Variants in SMARCA2 observed in about 807,000 individuals in gnomAD.
The protein encoded by SMARCA2 is SWI/SNF-related matrix-associated actin-dependent regulator of chromatin subfamily A member 2.
Under a neutral mutation model 199.8 loss-of-function variants are expected in SMARCA2, and 61 were observed. The observed-to-expected ratio is 0.31, with a 90% confidence interval of 0.25 to 0.38. The LOEUF is 0.38. Ranked by LOEUF, SMARCA2 falls within the 10% of genes least tolerant of loss-of-function variation. SMARCA2 has a pLI of 1.00. For synonymous variants in SMARCA2, 935 were observed against 732.0 expected (o/e 1.28, Z -4.48); for missense variants, 1,344 against 2,012.2 (o/e 0.67, Z 6.35).
rs1372424088 is a variant in SMARCA2 at position 2,123,610 on chromosome 9, A to G, written c.3763-109A>G. 2 of 925,018 alleles carry G rather than the reference A, an allele frequency of 2.2e-6. No individual in the cohort carries two copies. Among genetic ancestry groups the G allele is most frequent in the Non-Finnish European group, 1.7e-6 (1 of 578,008 alleles). The allele number at this position is 925,018 out of a possible 1,614,324, so 57.3% of individuals were successfully genotyped here. ...AGCCAACCAGGATGAGAGAGGTTGA[A>G]AGGGACCCTGCAGCCATAGGAAGTG... On this transcript the variant is annotated intron_variant, in intron 26 of 33. Transcript: ENST00000349721. This position sits in a 1 kb window ranked among gnomAD's most constrained non-coding sequence, Gnocchi z 4.1.
At chr9:2,152,722 C>T (rs994787369) in intron 27 of SMARCA2, among the ~76,000 whole-genome samples, 1 of 151,876 alleles carries the variant, frequency 6.6e-6, no homozygotes, top group Non-Finnish European at 1.5e-5. Flanking sequence ...CGTGGTGGTG[C>T]ACACCTTTAG....
rs184465681 is a variant in SMARCA2 at position 2,015,379 on chromosome 9, C to T, written c.-62C>T. 119 of 152,528 alleles carry T rather than the reference C, an allele frequency of 7.8e-4. No homozygotes were observed. The highest frequency in any genetic ancestry group is 2.8e-3 in the African/African-American group (118 of 41,606). The allele number at this position is 152,528 out of a possible 1,614,324, so 9.4% of individuals were successfully genotyped here. A position where few individuals can be genotyped will look rare whatever the true frequency, so the allele number is the denominator to read the frequency against. ...GGGTGACTCAGAGAGGGAAGAGATT[C>T]AGCCAGCACACTCCTCGCGAGCAAG... On this transcript the variant is annotated 5_prime_UTR_variant, in exon 1 of 34. Transcript: ENST00000349721.
chr9:2,137,060 C>A (rs1326677040), intron 27 of SMARCA2, among the ~76,000 whole-genome samples: 1 of 152,156 alleles, frequency 6.6e-6, no homozygotes, highest in Non-Finnish European at 1.5e-5. Context: ...TTAACACCGC[C>A]AGTGCTCGTG....
At chr9:2,153,084 A>G (rs142585997) in intron 27 of SMARCA2, among the ~76,000 whole-genome samples, 2,000 of 152,320 alleles carry the variant, frequency 0.013, 18 homozygotes, top group Middle Eastern at 0.02. Context: ...ACAAAGTCAC[A>G]GTAAAGGAAC....
intron 27 of SMARCA2, among the ~76,000 whole-genome samples, chr9:2,129,470 A>T (rs941962639): frequency 1.3e-4 from 20 of 152,114 alleles, no homozygotes; most frequent in African/African-American, 4.8e-4. Flanking sequence ...GTCTGGGAGG[A>T]AACCTGGGCT....
At chr9:2,139,515 G>A (rs2130680423) in intron 27 of SMARCA2, among the ~76,000 whole-genome samples, 1 of 152,312 alleles carries the variant, frequency 6.6e-6, no homozygotes, top group South Asian at 2.1e-4. Context: ...TCACTAAAAT[G>A]AACATTTGTT....
At chr9:2,191,146 G>T in intron 32 of SMARCA2, 120 bp from the exon 33 acceptor site, 1 of 960,830 alleles carries the variant, frequency 1.0e-6, no homozygotes, top group South Asian at 1.5e-5. Flanking sequence ...CATAAACCGG[G>T]AATGTTCTGG....
rs2130250414 is a variant in SMARCA2, at chr9:2,039,858, C to G, written c.748C>G (p.Gln250Glu). 1 of 1,613,746 alleles carries G rather than the reference C, an allele frequency of 6.2e-7. No homozygotes were observed. The highest frequency in any genetic ancestry group is 1.1e-5 in the South Asian group (1 of 91,002). Reference sequence around the variant, plus strand: ...GCAGCCGCCGCAACCACAGACGCAGCAACAACAGCAGCCGGCCCTTGTTAA... The same window carrying G: ...GCAGCCGCCGCAACCACAGACGCAGGAACAACAGCAGCCGGCCCTTGTTAA... Reference protein sequence around the residue: ...QQQPPQPQTQQQQQPALVNYN... With the variant: ...QQQPPQPQTQEQQQPALVNYN... Residue 250 changes from glutamine to glutamate, a missense_variant, in exon 4 of 34, where the codon CAA becomes GAA. Gln to Glu is a conservative substitution (Grantham distance 29). Coordinates refer to ENST00000349721, the MANE Select transcript of SMARCA2 (RefSeq NM_003070.5). This position sits in a 1 kb window ranked among gnomAD's most constrained non-coding sequence, Gnocchi z 4.8.
At chr9:2,131,649 T>C (rs773199950) in intron 27 of SMARCA2, among the ~76,000 whole-genome samples, 3 of 152,160 alleles carry the variant, frequency 2.0e-5, no homozygotes, top group Non-Finnish European at 4.4e-5. Context: ...TAAAATAATT[T>C]TGGGGTTTTC....
rs2130599056 is a variant in SMARCA2 at position 2,115,741 on chromosome 9, A to G, written c.3457-81A>G. ...AAGGTGAAATACAGAACCCTTCCAT[A>G]TTTCCCTCTGGGGTGGGGTCCGGTT... On this transcript the variant is annotated intron_variant, in intron 24 of 33. Transcript: ENST00000349721. The surrounding 1 kb of genome is among the most constrained non-coding windows in gnomAD (Gnocchi z 6.0). The G allele has an allele frequency of 1.8e-6, 2 of 1,088,670 alleles. No individual in the cohort carries two copies. Among genetic ancestry groups the G allele is most frequent in the Non-Finnish European group, 2.7e-6 (2 of 730,818 alleles). The allele number at this position is 1,088,670 out of a possible 1,614,324, so 67.4% of individuals were successfully genotyped here. A position where few individuals can be genotyped will look rare whatever the true frequency, so the allele number is the denominator to read the frequency against.
At position 2,161,924 on chromosome 9, in the gene SMARCA2, C is replaced by G; in HGVS notation, c.4199+21C>G. 1 of 1,592,632 alleles carries G rather than the reference C, an allele frequency of 6.3e-7. No individual in the cohort carries two copies. Among genetic ancestry groups the G allele is most frequent in the Non-Finnish European group, 8.6e-7 (1 of 1,161,522 alleles). On this transcript the variant is annotated intron_variant, in intron 28 of 33. Transcript: ENST00000349721. The surrounding 1 kb of genome is among the most constrained non-coding windows in gnomAD (Gnocchi z 4.7). Reference sequence around the variant, plus strand: ...GATAGGTGAGTGTTTGGTTCCTTCACCTTGATCATCTCTCACCAAGACGCC... The same window carrying G: ...GATAGGTGAGTGTTTGGTTCCTTCAGCTTGATCATCTCTCACCAAGACGCC...
chr9:2,047,339 G>C lies in SMARCA2; in HGVS notation c.901G>C (p.Ala301Pro). Reference sequence around the variant, plus strand: ...CGCAGCCGCGCAGCCGCCCGCGGCCGCAGTGCCCGGGCCCTCAGTGCCGCA... The same window carrying C: ...CGCAGCCGCGCAGCCGCCCGCGGCCCCAGTGCCCGGGCCCTCAGTGCCGCA... Reference protein sequence around the residue: ...PPAAAQPPAAAVPGPSVPQPA... With the variant: ...PPAAAQPPAAPVPGPSVPQPA... Residue 301 changes from alanine to proline, a missense_variant, in exon 5 of 34, where the codon GCA (alanine) becomes CCA (proline). Ala to Pro is a conservative substitution (Grantham distance 27). Coordinates refer to ENST00000349721, the MANE Select transcript of SMARCA2 (RefSeq NM_003070.5). The C allele has an allele frequency of 1.6e-6, 2 of 1,249,462 alleles. No individual in the cohort carries two copies. Among genetic ancestry groups the C allele is most frequent in the Non-Finnish European group, 2.0e-6 (2 of 982,258 alleles). The allele number at this position is 1,249,462 out of a possible 1,614,324, so 77.4% of individuals were successfully genotyped here.
chr9:2,042,696 CT>C (rs1275704054), intron 4 of SMARCA2: 6 of 149,976 alleles, frequency 4.0e-5, no homozygotes, highest in Non-Finnish European at 5.9e-5. Context: ...GTACCTACAT[CT>C]TTCGTCATCA....
Position 2,123,840 on chromosome 9 carries a change from C to G in SMARCA2, c.3884C>G (p.Thr1295Ser). The change falls in exon 27 of 34, where the codon ACC (threonine) becomes AGC (serine). Residue 1295 changes from threonine (T) to serine (S), a missense_variant. This residue lies in a region of SMARCA2 where 63 missense variants were observed against 83.3 expected (regional missense o/e 0.76). Coordinates refer to ENST00000349721, the MANE Select transcript of SMARCA2 (RefSeq NM_003070.5). This position sits in a 1 kb window ranked among gnomAD's most constrained non-coding sequence, Gnocchi z 4.1. The stretch of plus-strand genomic sequence containing the variant: ...GATGACGCTGAAGTAGAAAGGCTCA[C>G]CTGTGAAGAAGAGGAGGAGAAAATA... ...IKDDAEVERL[T>S]CEEEEEKIFG... The G allele has an allele frequency of 1.9e-6, 3 of 1,611,940 alleles. No homozygotes were observed. The highest frequency in any genetic ancestry group is 2.5e-6 in the Non-Finnish European group (3 of 1,179,166).
chr9:2,133,859 G>A (rs1274441184), intron 27 of SMARCA2, among the ~76,000 whole-genome samples: 1 of 152,190 alleles, frequency 6.6e-6, no homozygotes, highest in African/African-American at 2.4e-5. Context: ...GAGAATTTAG[G>A]ATAGTGATTA....
chr9:2,029,228 G>A lies in SMARCA2; in HGVS notation c.206G>A (p.Gly69Asp), dbSNP rs1165246987. ...GGGTCCACAGACTTCCCACAGGAAG[G>A]CATGCATCAAATGCATAAGGTAAGA... The part of the protein sequence containing the change: ...TMGSTDFPQE[G>D]MHQMHKPIDG... The change falls in exon 2 of 34, where the codon GGC becomes GAC. Residue 69 changes from glycine to aspartate, a missense_variant. By Grantham distance (94) the Gly-to-Asp change is moderately conservative. Around this residue, in one of 18 missense-constraint regions of SMARCA2, gnomAD observed 275 missense variants for 247.5 expected, o/e 1.11. Coordinates refer to ENST00000349721, the MANE Select transcript of SMARCA2 (RefSeq NM_003070.5). 2 of 1,611,600 alleles carry A rather than the reference G, an allele frequency of 1.2e-6. No individual in the cohort carries two copies. Among genetic ancestry groups the A allele is most frequent in the Non-Finnish European group, 1.7e-6 (2 of 1,178,648 alleles).
chr9:2,095,124 C>T (rs1199184379), intron 19 of SMARCA2, among the ~76,000 whole-genome samples: 1 of 150,008 alleles, frequency 6.7e-6, no homozygotes, highest in Non-Finnish European at 1.5e-5. Context: ...CTTGCTCCGT[C>T]ACCCAGGCTG....
chr9:2,037,159 C>G (rs1819371696), intron 3 of SMARCA2, among the ~76,000 whole-genome samples: 1 of 152,154 alleles, frequency 6.6e-6, no homozygotes, highest in South Asian at 2.1e-4. Flanking sequence ...ACTAGCGTTA[C>G]AACTAGGGGG....
chr9:2,050,733 G>A lies in SMARCA2; in HGVS notation c.1046+3249G>A, dbSNP rs75884294. Among the ~76,000 whole-genome samples, 1,350 of 151,882 alleles carry A rather than the reference G, an allele frequency of 8.9e-3. 26 individuals are homozygous for A. Among genetic ancestry groups the A allele is most frequent in the African/African-American group, 0.031 (1,267 of 41,396 alleles). ...AGCAGAGTTACAAAAAGTCACACACGCTCTCTTTTTAAAGTGTCACTCAGC... is the reference window on the plus strand; with the variant it reads ...AGCAGAGTTACAAAAAGTCACACACACTCTCTTTTTAAAGTGTCACTCAGC... On this transcript the variant is annotated intron_variant, in intron 5 of 33. Coordinates refer to ENST00000349721, the MANE Select transcript of SMARCA2 (RefSeq NM_003070.5).
Sources: allele counts gnomAD v4.1 joint callset (sites outside exome capture counted in the v4.1 genomes callset), GRCh38; gene constraint gnomAD v4.1.1; regional missense constraint gnomAD v4.1.1; non-coding constraint Gnocchi (gnomAD v3.1); transcripts MANE v1.5; gene names NCBI Gene and HGNC (gene_info 2026-07-23, HGNC 2026-07-21).